TMC1: variants seen among roughly 807,000 people sequenced by gnomAD.
The protein encoded by TMC1 is transmembrane channel like 1, also known as transmembrane channel-like protein 1.
A neutral mutation model predicts 105.8 loss-of-function variants in TMC1; 84 were observed. That is an observed-to-expected ratio of 0.79 (90% CI 0.67 to 0.95). The LOEUF (loss-of-function observed/expected upper bound fraction) is 0.95, where lower values mean the gene tolerates loss of function less well. TMC1 is among the 40% of genes least tolerant of loss of function. TMC1 has a pLI of 0.00. For missense variants in TMC1, 817 were observed against 914.1 expected, an observed-to-expected ratio of 0.89 and a Z score of 1.37; for synonymous variants, 315 against 311.5, an observed-to-expected ratio of 1.01 and a Z score of -0.12.
chr9:72,584,790 T>C (rs1370093459), intron 2 of TMC1, among the ~76,000 whole-genome samples: 2 of 144,802 alleles, frequency 1.4e-5, no homozygotes, highest in Non-Finnish European at 3.0e-5. Context: ...TTTTCTTTTT[T>C]TTTTTTTTTT....
intron 5 of TMC1, among the ~76,000 whole-genome samples, chr9:72,670,265 A>G (rs1368318940): frequency 6.6e-6 from 1 of 152,180 alleles, no homozygotes; most frequent in Non-Finnish European, 1.5e-5. Flanking sequence ...CAGAAAGAGT[A>G]TAAAAACCAT....
chr9:72,530,771 A>T lies in TMC1; in HGVS notation c.-428+8858A>T, dbSNP rs141045091. On this transcript the variant is annotated intron_variant, in intron 1 of 23. Transcript: ENST00000297784. ...GTTTATTGAATTATTAAGTTTAGGTATCAAATTTTCAGCTTTAGGATATCT... is the reference window on the plus strand; with the variant it reads ...GTTTATTGAATTATTAAGTTTAGGTTTCAAATTTTCAGCTTTAGGATATCT... Among the ~76,000 whole-genome samples, 653 of 150,964 alleles carry T rather than the reference A, an allele frequency of 4.3e-3. 5 individuals are homozygous for T. The highest frequency in any genetic ancestry group is 0.015 in the African/African-American group (628 of 41,162).
At chr9:72,689,652 A>G (rs1374431595) in intron 6 of TMC1, among the ~76,000 whole-genome samples, 1 of 152,098 alleles carries the variant, frequency 6.6e-6, no homozygotes, top group Non-Finnish European at 1.5e-5. Flanking sequence ...TATAATTGTG[A>G]TATCTTCCTG....
intron 17 of TMC1, among the ~76,000 whole-genome samples, chr9:72,800,872 A>T (rs574268174): frequency 6.6e-6 from 1 of 152,300 alleles, no homozygotes; most frequent in East Asian, 1.9e-4. Flanking sequence ...AACATATAGG[A>T]CATAACAAAT....
chr9:72,661,339 T>G (rs1825967545), intron 5 of TMC1, among the ~76,000 whole-genome samples: 1 of 152,266 alleles, frequency 6.6e-6, no homozygotes, highest in Non-Finnish European at 1.5e-5. Flanking sequence ...CTCAAGCAGC[T>G]GTGTCATCTT....
intron 18 of TMC1, among the ~76,000 whole-genome samples, chr9:72,807,202 A>G (rs958010038): frequency 2.6e-5 from 4 of 152,202 alleles, no homozygotes; most frequent in African/African-American, 7.2e-5. Flanking sequence ...AGATGGCAGC[A>G]GTACAGTCCA....
chr9:72,555,973 C>CAAA lies in TMC1; in HGVS notation c.-427-21900_-427-21898dup, dbSNP rs59431883. 1.3e-3 allele frequency among the ~76,000 whole-genome samples: 55 copies of CAAA among 42,580 alleles called. 3 individuals are homozygous for CAAA. The highest frequency in any genetic ancestry group is 1.8e-3 in the Non-Finnish European group (47 of 25,638). The allele number at this position is 42,580 out of a possible 152,430, so 27.9% of individuals were successfully genotyped here. On this transcript the variant is annotated intron_variant, in intron 1 of 23. Coordinates refer to ENST00000297784, the MANE Select transcript of TMC1 (RefSeq NM_138691.3). ...CAGGAAAACCAATCTATGACTAAGG[C>CAAA]AAAAAAAAAAAAAAAAAAAAAAAAA... is the stretch of plus-strand genomic sequence containing the variant.
intron 2 of TMC1, among the ~76,000 whole-genome samples, chr9:72,599,057 G>C (rs551463912): frequency 6.6e-6 from 1 of 152,192 alleles, no homozygotes; most frequent in East Asian, 1.9e-4. Context: ...TTGAGGCACA[G>C]TTTCACTCTG....
intron 11 of TMC1, among the ~76,000 whole-genome samples, chr9:72,753,286 C>CTTTTTTTTTTTTTT (rs5898269): frequency 4.9e-5 from 4 of 81,828 alleles, no homozygotes; most frequent in Non-Finnish European, 6.6e-5. Context: ...TTAACCCCAG[C>CTTTTTTTTTTTTTT]TTTTTTTTTT....
intron 4 of TMC1, among the ~76,000 whole-genome samples, chr9:72,647,177 G>T (rs1350759555): frequency 1.3e-5 from 2 of 150,084 alleles, no homozygotes; most frequent in Non-Finnish European, 3.0e-5. Context: ...AAAAGAAAAT[G>T]CTCTGTCAGT....
At position 72,547,600 on chromosome 9, in the gene TMC1, A is replaced by G. The variant is rs371239901; in HGVS notation, c.-428+25687A>G. Among the ~76,000 whole-genome samples, 5 of 152,278 alleles carry G rather than the reference A, an allele frequency of 3.3e-5. No individual in the cohort carries two copies. In the East Asian group the frequency reaches 9.7e-4, roughly 29 times the overall value. On this transcript the variant is annotated intron_variant, in intron 1 of 23. Transcript: ENST00000297784. ...GAGTGTTTATCCTAGAAATAGAAAG[A>G]CACCCAGGAATGACTCCTTTCTTTC...
At chr9:72,716,112 T>A (rs577471306) in intron 8 of TMC1, among the ~76,000 whole-genome samples, 1 of 152,354 alleles carries the variant, frequency 6.6e-6, no homozygotes, top group South Asian at 2.1e-4. Flanking sequence ...CAAAGATTGC[T>A]ACCTGTTCCT....
At chr9:72,610,673 CA>C (rs754577146) in intron 2 of TMC1, among the ~76,000 whole-genome samples, 1 of 152,232 alleles carries the variant, frequency 6.6e-6, no homozygotes, top group Non-Finnish European at 1.5e-5. Flanking sequence ...GAAACACCCT[CA>C]CAGACACACC....
chr9:72,594,851 C>T lies in TMC1; in HGVS notation c.-306+16828C>T, dbSNP rs149103164. On this transcript the variant is annotated intron_variant, in intron 2 of 23. Transcript: ENST00000297784. ...TGCCTGCCTCACAATGTGCAGCTCT[C>T]CTCTGCTTCTTCTTCTTCTTTTTTT... Among the ~76,000 whole-genome samples the T allele has an allele frequency of 1.4e-4, 19 of 139,956 alleles. No homozygotes were observed. In the East Asian group the frequency reaches 3.9e-3, roughly 29 times the overall value. 91.8% of individuals were successfully genotyped at this position (139,956 alleles called of 152,430 possible). A position where few individuals can be genotyped will look rare whatever the true frequency, so the allele number is the denominator to read the frequency against.
At chr9:72,683,733 T>TTATGTA (rs1826329019) in intron 5 of TMC1, among the ~76,000 whole-genome samples, 3 of 53,396 alleles carry the variant, frequency 5.6e-5, no homozygotes, top group South Asian at 1.5e-3. Flanking sequence ...GTTACACATT[T>TTATGTA]TATATATATA....
intron 3 of TMC1, among the ~76,000 whole-genome samples, chr9:72,627,177 A>G (rs965420368): frequency 3.3e-5 from 5 of 152,206 alleles, no homozygotes; most frequent in African/African-American, 1.2e-4. Flanking sequence ...TCAGAAAAAC[A>G]GTCTCAGTTT....
At chr9:72,529,098 ATT>A (rs36003839) in intron 1 of TMC1, among the ~76,000 whole-genome samples, 4 of 98,884 alleles carry the variant, frequency 4.0e-5, no homozygotes, top group East Asian at 3.2e-4. Flanking sequence ...ATACTACACC[ATT>A]TTTTTTTTTT....
intron 1 of TMC1, among the ~76,000 whole-genome samples, chr9:72,523,721 C>G (rs1215006627): frequency 6.6e-6 from 1 of 151,900 alleles, no homozygotes; most frequent in African/African-American, 2.4e-5. Context: ...GAAAGGCAGG[C>G]ACACTCGGGG....
chr9:72,639,810 A>G (rs996345231), intron 4 of TMC1, among the ~76,000 whole-genome samples: 1 of 152,218 alleles, frequency 6.6e-6, no homozygotes, highest in African/African-American at 2.4e-5. Flanking sequence ...TTGCCTTCAA[A>G]TGTAATTTAA....
Sources: allele counts gnomAD v4.1 joint callset (sites outside exome capture counted in the v4.1 genomes callset), GRCh38; gene constraint gnomAD v4.1.1; transcripts MANE v1.5; gene names NCBI Gene and HGNC (gene_info 2026-07-23, HGNC 2026-07-21).